Variants in SIPA1L3 observed in about 807,000 individuals in gnomAD.
The protein encoded by SIPA1L3 is signal-induced proliferation-associated 1-like protein 3.
SIPA1L3 carries 59 observed loss-of-function variants against 150.1 expected under a neutral mutation model. The ratio of observed to expected loss-of-function variants is 0.39; its 90% CI spans 0.32 to 0.49. SIPA1L3 has a LOEUF of 0.49. Among genes scored for constraint, SIPA1L3 ranks in the 20% least tolerant of loss-of-function variants. The pLI is 0.86. For synonymous variants in SIPA1L3, 1,070 were observed against 1,077.6 expected (o/e 0.99, Z 0.14); for missense variants, 2,211 against 2,489.5 (o/e 0.89, Z 2.38).
chr19:38,095,949 C>T (rs954367195), intron 4 of SIPA1L3, among the ~76,000 whole-genome samples: 1 of 152,156 alleles, frequency 6.6e-6, no homozygotes. Flanking sequence ...TTGGTCTTAA[C>T]TGAAACCCAC....
chr19:38,185,446 C>T (rs1394303033), intron 16 of SIPA1L3: 1 of 152,242 alleles, frequency 6.6e-6, no homozygotes, highest in African/African-American at 2.4e-5. Flanking sequence ...GGAACCCACC[C>T]CCCAACCCGC....
At chr19:37,920,272 C>T (rs751253315) in intron 1 of SIPA1L3, among the ~76,000 whole-genome samples, 47 of 151,888 alleles carry the variant, frequency 3.1e-4, no homozygotes, top group South Asian at 8.3e-4. Context: ...TTGCCCAGGC[C>T]GGTCTTGAAC....
chr19:37,996,966 C>T (rs833900), intron 1 of SIPA1L3, among the ~76,000 whole-genome samples: 113,218 of 151,810 alleles, frequency 0.75, 42,470 homozygotes, highest in East Asian at 0.95. Context: ...CAAAGTGCTG[C>T]GATTACAGGC....
At chr19:38,165,926 C>G (rs538753767) in intron 15 of SIPA1L3, among the ~76,000 whole-genome samples, 1 of 152,154 alleles carries the variant, frequency 6.6e-6, no homozygotes, top group African/African-American at 2.4e-5. Context: ...CCATGCCCAA[C>G]TAATTTTTGT....
intron 9 of SIPA1L3, among the ~76,000 whole-genome samples, chr19:38,130,289 G>A (rs535458924): frequency 3.9e-5 from 6 of 152,294 alleles, no homozygotes; most frequent in South Asian, 2.1e-4. Context: ...CCACGGGGTC[G>A]CATATCCACA....
intron 11 of SIPA1L3, among the ~76,000 whole-genome samples, chr19:38,142,241 A>G (rs538213299): frequency 5.1e-4 from 77 of 152,354 alleles, no homozygotes; most frequent in Admixed American, 2.4e-3. Flanking sequence ...CAAAAAATGA[A>G]GGAATCCAAC....
rs370889255 is a variant in SIPA1L3, at chr19:38,082,235, G to A, written c.670G>A (p.Glu224Lys). 9.4e-6 allele frequency: 15 copies of A among 1,601,498 alleles called. No homozygotes were observed. The highest frequency in any genetic ancestry group is 1.0e-5 in the Non-Finnish European group (12 of 1,179,754). The change falls in exon 3 of 22, where the codon GAG becomes AAG. Residue 224 changes from glutamate (E) to lysine (K), a missense_variant. Around this residue, in one of 5 missense-constraint regions of SIPA1L3, gnomAD observed 587 missense variants for 534.5 expected, o/e 1.10. Coordinates refer to ENST00000222345, the MANE Select transcript of SIPA1L3 (RefSeq NM_015073.3). ...GCAGAGCTTCTTCGACATCCTGAAC[G>A]AGTTCCGCAGCGAGCAGCCCGACGC... is the stretch of plus-strand genomic sequence containing the variant. ...PEQSFFDILN[E>K]FRSEQPDARG...
At position 38,118,374 on chromosome 19, in the gene SIPA1L3, G is replaced by A. The variant is rs558408120; in HGVS notation, c.2292-932G>A. On this transcript the variant is annotated intron_variant, in intron 8 of 21. Transcript: ENST00000222345. ...CAGGAGACAGAGGTTGCTGTGAGCC[G>A]AGATTGCGCCACTGCCCTGAGGGAG... Among the ~76,000 whole-genome samples, 16 of 147,418 alleles carry A rather than the reference G, an allele frequency of 1.1e-4. No homozygotes were observed. In the East Asian group the frequency reaches 2.2e-3, roughly 20 times the overall value.
chr19:38,104,956 C>T (rs1970588832), intron 6 of SIPA1L3, among the ~76,000 whole-genome samples: 1 of 152,136 alleles, frequency 6.6e-6, no homozygotes, highest in South Asian at 2.1e-4. Flanking sequence ...ATGGCCCTGG[C>T]TTGAGCAGAT....
intron 13 of SIPA1L3, 128 bp downstream of exon 13, chr19:38,153,095 G>C (rs981412316): frequency 8.0e-7 from 1 of 1,253,090 alleles, no homozygotes; most frequent in African/African-American, 1.5e-5. Flanking sequence ...AGCTGTAAGC[G>C]CCACATGTAA....
chr19:37,953,266 C>T (rs1311871261), intron 1 of SIPA1L3, among the ~76,000 whole-genome samples: 2 of 152,156 alleles, frequency 1.3e-5, no homozygotes, highest in African/African-American at 2.4e-5. Flanking sequence ...TCCTTTCCTG[C>T]CCATGACCCA....
At chr19:37,938,706 T>G (rs2046624686) in intron 1 of SIPA1L3, among the ~76,000 whole-genome samples, 1 of 151,390 alleles carries the variant, frequency 6.6e-6, no homozygotes. Context: ...TCACTGCAAC[T>G]GCACCTGCTG....
intron 2 of SIPA1L3, among the ~76,000 whole-genome samples, chr19:38,067,070 C>T (rs1969610867): frequency 6.6e-6 from 1 of 151,240 alleles, no homozygotes; most frequent in African/African-American, 2.4e-5. Context: ...GACCCAGTCT[C>T]TACAAAAAAA....
At chr19:38,055,693 G>A (rs1568523817) in intron 2 of SIPA1L3, among the ~76,000 whole-genome samples, 2 of 152,260 alleles carry the variant, frequency 1.3e-5, no homozygotes, top group Non-Finnish European at 2.9e-5. Context: ...TGGCCCTGGA[G>A]TAACCCAGAG....
In SIPA1L3 at chr19:38,119,455, A is replaced by G. The variant is rs149771435; in HGVS notation, c.2441A>G (p.His814Arg). 1.9e-6 allele frequency: 3 copies of G among 1,614,048 alleles called. No individual in the cohort carries two copies. Among genetic ancestry groups the G allele is most frequent in the African/African-American group, 2.7e-5 (2 of 74,916 alleles). ...GCCGCGCACAAGTCCGACAAGTTCC[A>G]CACCATGGCCACCAGGACCCGCCAG... ...ENAAHKSDKF[H>R]TMATRTRQEY... Residue 814 changes from histidine to arginine, a missense_variant, in exon 9 of 22, where the codon CAC (histidine) becomes CGC (arginine). Transcript: ENST00000222345.
chr19:38,162,299 C>T lies in SIPA1L3; in HGVS notation c.3708C>T (p.Ala1236=), dbSNP rs542753643. 1.4e-4 allele frequency: 224 copies of T among 1,614,096 alleles called. 3 individuals are homozygous for T. The South Asian group carries it at 1.8e-3, about 13-fold the overall frequency. The change falls in exon 14 of 22, where the codon GCC becomes GCT. Residue 1236 remains alanine (A), a synonymous_variant. Coordinates refer to ENST00000222345, the MANE Select transcript of SIPA1L3 (RefSeq NM_015073.3). ...CCCAGGCCAGGCTCTCAGCCATAGC[C>T]GGAAGCAGCGGGAACAAGCACCCGT... The part of the protein sequence containing the change: ...VPAQARLSAI[A]GSSGNKHPSR...
chr19:38,182,675 C>T lies in SIPA1L3; in HGVS notation c.4365C>T (p.His1455=), dbSNP rs775849040. ...FFSKQPVRNK[H]PTGWKRTEEP... ...CCAAGCAGCCTGTACGCAATAAGCA[C>T]CCAACAGGGTGGAAGAGAACGGAGG... The change falls in exon 16 of 22, where the codon CAC becomes CAT. Residue 1455 remains histidine (H), a synonymous_variant. Coordinates refer to ENST00000222345, the MANE Select transcript of SIPA1L3 (RefSeq NM_015073.3). The T allele has an allele frequency of 9.3e-6, 15 of 1,614,078 alleles. No individual in the cohort carries two copies. Among genetic ancestry groups the T allele is most frequent in the Middle Eastern group, 1.6e-4 (1 of 6,082 alleles).
intron 2 of SIPA1L3, among the ~76,000 whole-genome samples, chr19:38,068,807 A>G (rs185202100): frequency 1.3e-4 from 20 of 152,318 alleles, no homozygotes; most frequent in African/African-American, 3.4e-4. Context: ...GCAGTGAGCT[A>G]TGATTGTACC....
At chr19:38,195,007 A>C (rs1972889549) in intron 18 of SIPA1L3, among the ~76,000 whole-genome samples, 1 of 151,796 alleles carries the variant, frequency 6.6e-6, no homozygotes, top group Non-Finnish European at 1.5e-5. Context: ...GCTGAGATCA[A>C]GCCACTGCAC....
Sources: gnomAD v4.1 joint callset for allele counts (sites outside exome capture counted in the v4.1 genomes callset) on GRCh38, gnomAD v4.1.1 for gene constraint, gnomAD v4.1.1 regional missense constraint, MANE v1.5 for transcripts, NCBI Gene and HGNC (gene_info 2026-07-23, HGNC 2026-07-21) for gene names.